SUPT3H: variants seen among roughly 807,000 people sequenced by gnomAD.
SUPT3H encodes the protein transcription initiation protein SPT3 homolog.
A neutral mutation model predicts 44.3 loss-of-function variants in SUPT3H; 44 were observed. The observed-to-expected ratio is 0.99, with a 90% CI of 0.78 to 1.28. The LOEUF (loss-of-function observed/expected upper bound fraction) is 1.28. Ranked by LOEUF, SUPT3H falls within the 50% of genes most tolerant of loss-of-function variation. SUPT3H has a pLI of 0.00. For synonymous variants in SUPT3H, 124 were observed against 125.6 expected (o/e 0.99, Z 0.09); for missense variants, 380 against 387.1 (o/e 0.98, Z 0.15).
Position 45,110,686 on chromosome 6 carries a change from A to G in SUPT3H, c.102-4680T>C, listed in dbSNP as rs1279349122. ...TGCCAAGATGCTACCCAAATATAGC[A>G]ATACTCTTTTAATCTCTCTATAAAT... On this transcript the variant is annotated intron_variant, in intron 2 of 10. Transcript: ENST00000371459. Among the ~76,000 whole-genome samples the G allele has an allele frequency of 3.3e-5, 5 of 152,272 alleles. No homozygotes were observed. In the South Asian group the frequency reaches 1.0e-3, roughly 32 times the overall value.
At chr6:44,890,620 A>T (rs1415890210) in intron 10 of SUPT3H, among the ~76,000 whole-genome samples, 1 of 40,676 alleles carries the variant, frequency 2.5e-5, no homozygotes, top group African/African-American at 1.0e-4. Context: ...GGGGTGGGGG[A>T]GGGGGGAGGG....
At chr6:45,114,780 G>A (rs1800596947) in intron 2 of SUPT3H, among the ~76,000 whole-genome samples, 1 of 152,102 alleles carries the variant, frequency 6.6e-6, no homozygotes, top group Non-Finnish European at 1.5e-5. Flanking sequence ...GAACAGGAAA[G>A]ATCTATATAG....
At chr6:44,974,222 T>A (rs867301705) in intron 6 of SUPT3H, among the ~76,000 whole-genome samples, 18 of 151,982 alleles carry the variant, frequency 1.2e-4, no homozygotes, top group South Asian at 4.2e-4. Context: ...TGTATTTGTG[T>A]ATATATATAT....
intron 2 of SUPT3H, among the ~76,000 whole-genome samples, chr6:45,305,930 C>CCA (rs1351637825): frequency 6.6e-5 from 10 of 152,210 alleles, no homozygotes; most frequent in Non-Finnish European, 4.4e-5. Flanking sequence ...AGTACCAAAC[C>CCA]AGCTATCACA....
intron 2 of SUPT3H, among the ~76,000 whole-genome samples, chr6:45,325,857 A>C (rs1177621602): frequency 6.6e-6 from 1 of 151,904 alleles, no homozygotes; most frequent in Non-Finnish European, 1.5e-5. Flanking sequence ...TTTTTACAAC[A>C]AAGTAATATT....
chr6:45,220,095 A>G (rs1016436074), intron 2 of SUPT3H, among the ~76,000 whole-genome samples: 3 of 151,388 alleles, frequency 2.0e-5, no homozygotes, highest in Non-Finnish European at 4.4e-5. Flanking sequence ...CAATCTATTA[A>G]AAAAAAGATG....
At chr6:44,970,575 T>C (rs554891369) in intron 6 of SUPT3H, among the ~76,000 whole-genome samples, 75 of 136,770 alleles carry the variant, frequency 5.5e-4, no homozygotes, top group Admixed American at 9.6e-4. Context: ...GTTACAACCC[T>C]TTTTTTTTTT....
intron 2 of SUPT3H, among the ~76,000 whole-genome samples, chr6:45,113,293 TC>T (rs535720572): frequency 1.3e-3 from 200 of 152,284 alleles, no homozygotes; most frequent in African/African-American, 4.6e-3. Flanking sequence ...GTTGTTTATG[TC>T]ATTCTTACCC....
intron 2 of SUPT3H, among the ~76,000 whole-genome samples, chr6:45,269,796 A>G (rs1775830483): frequency 6.6e-6 from 1 of 152,200 alleles, no homozygotes; most frequent in South Asian, 2.1e-4. Context: ...ACATACCATA[A>G]AATCCATCCA....
intron 10 of SUPT3H, among the ~76,000 whole-genome samples, chr6:44,840,835 T>A (rs560133460): frequency 1.3e-5 from 2 of 152,350 alleles, no homozygotes; most frequent in Admixed American, 6.5e-5. Context: ...AATGAACATA[T>A]GGAGACTCTA....
At chr6:44,942,260 A>G (rs1445713641) in intron 9 of SUPT3H, among the ~76,000 whole-genome samples, 3 of 152,124 alleles carry the variant, frequency 2.0e-5, no homozygotes, top group Non-Finnish European at 4.4e-5. Flanking sequence ...TGCAGAGTAC[A>G]ATAGCTGAAA....
chr6:45,271,684 T>C (rs1776189029), intron 2 of SUPT3H, among the ~76,000 whole-genome samples: 2 of 150,388 alleles, frequency 1.3e-5, no homozygotes, highest in South Asian at 4.1e-4. Context: ...GAGTACCTAC[T>C]GCGGCACTCC....
rs532887455 is a variant in SUPT3H at position 45,334,237 on chromosome 6, A to AG, written c.101+30963dup. ...ATAAGGTAATTTTATTTTACATTTC[A>AG]GTTACATCGATTTTTTACATCAATG... On this transcript the variant is annotated intron_variant, in intron 2 of 10. Coordinates refer to ENST00000371459, the MANE Select transcript of SUPT3H (RefSeq NM_003599.4). 3.0e-4 allele frequency among the ~76,000 whole-genome samples: 45 copies of AG among 151,258 alleles called. No homozygotes were observed. The East Asian group carries it at 7.6e-3, about 25-fold the overall frequency.
intron 2 of SUPT3H, among the ~76,000 whole-genome samples, chr6:45,346,214 T>C (rs1790825340): frequency 1.3e-5 from 2 of 152,136 alleles, no homozygotes; most frequent in South Asian, 4.1e-4. Context: ...ACTCTACTTA[T>C]GTATATATGT....
chr6:45,062,150 C>T (rs1365224863), intron 3 of SUPT3H, among the ~76,000 whole-genome samples: 2 of 151,468 alleles, frequency 1.3e-5, no homozygotes, highest in Admixed American at 6.6e-5. Context: ...GATACAGATG[C>T]CTCTTTTAGG....
intron 2 of SUPT3H, among the ~76,000 whole-genome samples, chr6:45,340,187 A>T (rs1377520105): frequency 6.6e-6 from 1 of 152,212 alleles, no homozygotes; most frequent in Non-Finnish European, 1.5e-5. Flanking sequence ...TAAACCAATA[A>T]AATACAAACA....
At chr6:45,125,229 C>T (rs1802262606) in intron 2 of SUPT3H, among the ~76,000 whole-genome samples, 1 of 152,118 alleles carries the variant, frequency 6.6e-6, no homozygotes, top group South Asian at 2.1e-4. Context: ...GTGTTTTTCA[C>T]TTTGTAATTC....
intron 2 of SUPT3H, among the ~76,000 whole-genome samples, chr6:45,343,334 C>A (rs544561723): frequency 2.6e-5 from 4 of 152,128 alleles, no homozygotes; most frequent in Non-Finnish European, 5.9e-5. Context: ...AACCCCTTCT[C>A]TACTAAAGGT....
chr6:45,059,238 C>T (rs1791592929), intron 3 of SUPT3H, among the ~76,000 whole-genome samples: 1 of 152,108 alleles, frequency 6.6e-6, no homozygotes, highest in African/African-American at 2.4e-5. Context: ...GCTTATCCAC[C>T]ATGATCAAGT....
Sources: gnomAD v4.1 joint callset for allele counts (sites outside exome capture counted in the v4.1 genomes callset) on GRCh38, gnomAD v4.1.1 for gene constraint, MANE v1.5 for transcripts, NCBI Gene and HGNC (gene_info 2026-07-23, HGNC 2026-07-21) for gene names.